The following PRKG1 variants were observed in gnomAD, a reference collection of about 807,000 sequenced individuals.
PRKG1 encodes protein kinase cGMP-dependent 1, also known as cGMP-dependent protein kinase 1.
In PRKG1, 35 loss-of-function variants were observed where a neutral mutation model predicts 88.1. That is an observed-to-expected ratio of 0.40 (90% CI 0.30 to 0.53). PRKG1 has a LOEUF of 0.53. PRKG1 is among the 20% of genes least tolerant of loss of function. The pLI is 0.59. For synonymous variants in PRKG1, 303 were observed against 292.5 expected (o/e 1.04, Z -0.37); for missense variants, 540 against 839.8 (o/e 0.64, Z 4.41).
intron 3 of PRKG1, among the ~76,000 whole-genome samples, chr10:51,678,397 T>A: frequency 6.6e-6 from 1 of 152,310 alleles, no homozygotes; most frequent in Middle Eastern, 3.4e-3. Flanking sequence ...TGGGATTTTT[T>A]AAATAATAAA....
At chr10:51,851,435 AC>A (rs1490285313) in intron 4 of PRKG1, among the ~76,000 whole-genome samples, 5 of 152,142 alleles carry the variant, frequency 3.3e-5, no homozygotes, top group Admixed American at 6.5e-5. Flanking sequence ...CACACACCCC[AC>A]AAAAAAGAAT....
At chr10:52,194,601 C>T (rs974048678) in intron 9 of PRKG1, among the ~76,000 whole-genome samples, 2 of 152,066 alleles carry the variant, frequency 1.3e-5, no homozygotes, top group African/African-American at 4.8e-5. Context: ...GTTTATGTGG[C>T]CTTTGTCTCT....
chr10:51,971,047 C>T (rs1457812176), intron 5 of PRKG1, among the ~76,000 whole-genome samples: 1 of 151,536 alleles, frequency 6.6e-6, no homozygotes, highest in Non-Finnish European at 1.5e-5. Flanking sequence ...ACATGCAAAA[C>T]ATTGATGAAT....
intron 5 of PRKG1, among the ~76,000 whole-genome samples, chr10:52,023,231 C>G (rs1845235015): frequency 6.6e-6 from 1 of 152,158 alleles, no homozygotes; most frequent in Non-Finnish European, 1.5e-5. Flanking sequence ...CATGTCCCTG[C>G]AAAGGACATG....
chr10:51,088,238 C>T (rs1019579099), intron 1 of PRKG1, among the ~76,000 whole-genome samples: 1 of 152,100 alleles, frequency 6.6e-6, no homozygotes, highest in South Asian at 2.1e-4. Flanking sequence ...TTTGAAGAAA[C>T]ATTACCTCAA....
At chr10:51,867,287 C>T (rs952646988) in intron 4 of PRKG1, among the ~76,000 whole-genome samples, 4 of 152,048 alleles carry the variant, frequency 2.6e-5, no homozygotes, top group Admixed American at 2.0e-4. Flanking sequence ...CATGAAGGAC[C>T]TTATGTTCCA....
chr10:51,793,156 A>AAC (rs1554842271), intron 3 of PRKG1, among the ~76,000 whole-genome samples: 2,718 of 149,846 alleles, frequency 0.018, 26 homozygotes, highest in Non-Finnish European at 0.028. Context: ...AAAAAAAAAA[A>AAC]AACCAGAACA....
At chr10:51,025,252 G>C (rs1050003306) in intron 1 of PRKG1, among the ~76,000 whole-genome samples, 1 of 152,102 alleles carries the variant, frequency 6.6e-6, no homozygotes, top group African/African-American at 2.4e-5. Flanking sequence ...TCCTCCCCCA[G>C]CTTTATCCTC....
intron 3 of PRKG1, among the ~76,000 whole-genome samples, chr10:51,707,117 TG>T (rs1841625291): frequency 1.3e-5 from 2 of 152,216 alleles, no homozygotes; most frequent in Non-Finnish European, 1.5e-5. Flanking sequence ...GTAGTTGAAA[TG>T]GATACTTTTT....
intron 3 of PRKG1, among the ~76,000 whole-genome samples, chr10:51,628,819 C>A (rs1263553072): frequency 6.6e-6 from 1 of 151,502 alleles, no homozygotes; most frequent in Non-Finnish European, 1.5e-5. Flanking sequence ...ATTAGCCGGG[C>A]GCGGTGGCGG....
At chr10:51,672,475 T>C (rs755509696) in intron 3 of PRKG1, among the ~76,000 whole-genome samples, 3 of 152,160 alleles carry the variant, frequency 2.0e-5, no homozygotes, top group Non-Finnish European at 4.4e-5. Flanking sequence ...CATTTTTTAA[T>C]ATTTATAGTT....
chr10:51,137,840 TTGAG>T (rs1845725101), intron 1 of PRKG1, among the ~76,000 whole-genome samples: 1 of 152,102 alleles, frequency 6.6e-6, no homozygotes, highest in Non-Finnish European at 1.5e-5. Context: ...TCACACCAGT[TTGAG>T]TAAGTGATAA....
At chr10:51,362,002 A>G (rs908543337) in intron 2 of PRKG1, among the ~76,000 whole-genome samples, 1 of 151,910 alleles carries the variant, frequency 6.6e-6, no homozygotes, top group African/African-American at 2.4e-5. Flanking sequence ...TTCTGTTTCT[A>G]TAGCAAGAGT....
At chr10:51,621,321 C>T (rs1197279165) in intron 3 of PRKG1, among the ~76,000 whole-genome samples, 3 of 69,998 alleles carry the variant, frequency 4.3e-5, no homozygotes, top group African/African-American at 1.2e-4. Flanking sequence ...GTTTCCAGAC[C>T]CCTTTATACT....
chr10:51,341,354 C>T (rs140554953), intron 2 of PRKG1, among the ~76,000 whole-genome samples: 1 of 152,082 alleles, frequency 6.6e-6, no homozygotes, highest in African/African-American at 2.4e-5. Flanking sequence ...TGATTCACAC[C>T]CTGCGGTTGA....
intron 6 of PRKG1, among the ~76,000 whole-genome samples, 188 bp from the exon 7 acceptor site, chr10:52,062,349 G>A (rs1846256435): frequency 6.6e-6 from 1 of 152,098 alleles, no homozygotes; most frequent in South Asian, 2.1e-4. Flanking sequence ...AATATTTGGA[G>A]GTAAGCTCTT....
rs117906967 is a variant in PRKG1 at position 52,143,618 on chromosome 10, C to T, written c.1001+9713C>T. On this transcript the variant is annotated intron_variant, in intron 8 of 17. Transcript: ENST00000373980. ...TGTAAAGGGAGAGCTTTAAAACCAC[C>T]TGAGGGGAAGTCCGCTGGGGAAGCT... Among the ~76,000 whole-genome samples the T allele has an allele frequency of 1.8e-4, 27 of 152,216 alleles. No homozygotes were observed. In the East Asian group the frequency reaches 5.0e-3, roughly 28 times the overall value.
chr10:51,174,399 T>C (rs1837135131), intron 2 of PRKG1, among the ~76,000 whole-genome samples: 1 of 152,052 alleles, frequency 6.6e-6, no homozygotes, highest in Non-Finnish European at 1.5e-5. Flanking sequence ...TAAATCCAAA[T>C]ATTTAACTTT....
intron 4 of PRKG1, among the ~76,000 whole-genome samples, chr10:51,817,330 A>G (rs1220780279): frequency 6.9e-6 from 1 of 144,904 alleles, no homozygotes; most frequent in Admixed American, 6.8e-5. Flanking sequence ...TATTTCTCCT[A>G]GTGCTATCCC....
Sources: allele counts gnomAD v4.1 joint callset (sites outside exome capture counted in the v4.1 genomes callset), GRCh38; gene constraint gnomAD v4.1.1; transcripts MANE v1.5; gene names NCBI Gene and HGNC (gene_info 2026-07-23, HGNC 2026-07-21).